Variants in BICD1 observed in about 807,000 individuals in gnomAD.
BICD1 encodes protein bicaudal D homolog 1.
BICD1 carries 35 observed loss-of-function variants against 92.5 expected under a neutral mutation model. The ratio of observed to expected loss-of-function variants is 0.38; its 90% CI spans 0.29 to 0.50. The LOEUF is 0.50. BICD1 is among the 20% of genes least tolerant of loss of function. The probability of loss-of-function intolerance (pLI) is 0.93; values close to 1 mark genes in which losing one functional copy is unlikely to be tolerated. For synonymous variants in BICD1, 429 were observed against 465.1 expected (o/e 0.92, Z 1.00); for missense variants, 950 against 1,189.8 (o/e 0.80, Z 2.97).
chr12:32,304,475 A>G (rs1017180274), intron 3 of BICD1, among the ~76,000 whole-genome samples: 2 of 152,208 alleles, frequency 1.3e-5, no homozygotes, highest in Non-Finnish European at 2.9e-5. Flanking sequence ...AAACACCATG[A>G]AGGAACACTG....
intron 2 of BICD1, among the ~76,000 whole-genome samples, chr12:32,224,009 A>G (rs1485098326): frequency 6.6e-6 from 1 of 152,248 alleles, no homozygotes; most frequent in Admixed American, 6.5e-5. Flanking sequence ...TATTGCAAGA[A>G]TTACCAAAAT....
intron 1 of BICD1, among the ~76,000 whole-genome samples, chr12:32,153,803 A>G (rs1436107394): frequency 6.6e-6 from 1 of 150,570 alleles, no homozygotes; most frequent in East Asian, 1.9e-4. Context: ...GTGTGTATAT[A>G]TGTAATACAT....
chr12:32,215,871 G>A (rs1414089460), intron 1 of BICD1, among the ~76,000 whole-genome samples: 1 of 144,934 alleles, frequency 6.9e-6, no homozygotes, highest in Non-Finnish European at 1.5e-5. Context: ...GGAGAATGGC[G>A]TGAACCCGGG....
intron 9 of BICD1, among the ~76,000 whole-genome samples, chr12:32,375,903 C>T (rs999699695): frequency 2.0e-5 from 3 of 152,026 alleles, no homozygotes; most frequent in Admixed American, 6.6e-5. Context: ...CTTTAAAAAG[C>T]TATGCTTAAA....
intron 9 of BICD1, among the ~76,000 whole-genome samples, chr12:32,372,879 A>T (rs1939791385): frequency 6.6e-6 from 1 of 152,194 alleles, no homozygotes; most frequent in South Asian, 2.1e-4. Flanking sequence ...CCTGTCTCCA[A>T]AAACAGAAAA....
intron 1 of BICD1, among the ~76,000 whole-genome samples, chr12:32,139,231 G>A (rs888897096): frequency 2.0e-5 from 3 of 152,076 alleles, no homozygotes; most frequent in African/African-American, 7.2e-5. Flanking sequence ...CCTTTGCTGT[G>A]AAACAGGTTT....
chr12:32,202,598 G>A (rs1944937995), intron 1 of BICD1, among the ~76,000 whole-genome samples: 1 of 152,010 alleles, frequency 6.6e-6, no homozygotes, highest in South Asian at 2.1e-4. Context: ...ATATTTCAAA[G>A]TTTATTGTTT....
intron 9 of BICD1, among the ~76,000 whole-genome samples, chr12:32,371,985 A>T (rs1174444610): frequency 1.3e-5 from 2 of 152,222 alleles, no homozygotes; most frequent in East Asian, 3.9e-4. Flanking sequence ...AGTGACTCCT[A>T]CCTACCACCA....
intron 8 of BICD1, chr12:32,339,192 A>C: frequency 7.8e-7 from 1 of 1,283,760 alleles, no homozygotes. Context: ...TTAACAGCCA[A>C]AGATGGCAAA....
At chr12:32,334,415 C>T in intron 5 of BICD1, 101 bp from the exon 6 acceptor site, 12 of 1,233,558 alleles carry the variant, frequency 9.7e-6, no homozygotes, top group Non-Finnish European at 1.3e-5. Flanking sequence ...ATCAATTTCA[C>T]TTTCCTTTTA....
At chr12:32,108,440 T>G in intron 1 of BICD1, 1 of 432,802 alleles carries the variant, frequency 2.3e-6, no homozygotes, top group Non-Finnish European at 4.2e-6. Context: ...CTTAAGAACA[T>G]ACATATTGTT....
intron 1 of BICD1, among the ~76,000 whole-genome samples, chr12:32,153,528 G>A (rs1943349421): frequency 1.3e-5 from 2 of 152,122 alleles, no homozygotes; most frequent in African/African-American, 4.8e-5. Context: ...AGGCCAAGGC[G>A]GGTGGATCAC....
intron 2 of BICD1, among the ~76,000 whole-genome samples, chr12:32,249,062 G>A (rs902937142): frequency 7.9e-5 from 12 of 152,192 alleles, no homozygotes; most frequent in South Asian, 4.1e-4. Context: ...TTTGTGGGGC[G>A]GGTTGGAGGT....
intron 1 of BICD1, among the ~76,000 whole-genome samples, chr12:32,116,464 C>CTGTCTGTCTG: frequency 1.5e-5 from 1 of 64,992 alleles, no homozygotes; most frequent in South Asian, 4.2e-4. Context: ...GTCTGTCTGT[C>CTGTCTGTCTG]TCTCTCTCTC....
At chr12:32,295,157 C>T (rs78118642) in intron 3 of BICD1, among the ~76,000 whole-genome samples, 19,340 of 150,424 alleles carry the variant, frequency 0.13, 1,358 homozygotes, top group East Asian at 0.22. Context: ...AGATTACATT[C>T]GTACATTTAA....
intron 1 of BICD1, among the ~76,000 whole-genome samples, chr12:32,137,374 C>A (rs960370520): frequency 2.6e-5 from 4 of 152,138 alleles, no homozygotes; most frequent in African/African-American, 9.7e-5. Context: ...CAGGCATGAG[C>A]CACCGCACCT....
rs77993304 is a variant in BICD1, at chr12:32,136,714, G to C, written c.213+29170G>C. Among the ~76,000 whole-genome samples, 330 of 152,298 alleles carry C rather than the reference G, an allele frequency of 2.2e-3. 1 individual carries two copies. Among genetic ancestry groups the C allele is most frequent in the African/African-American group, 7.7e-3 (318 of 41,560 alleles). ...TGCAGGAGTCCTGTCCTGAGTGGCT[G>C]CTCAGGGTATTGACATGCCATTTTG... On this transcript the variant is annotated intron_variant, in intron 1 of 9. Transcript: ENST00000652176.
intron 2 of BICD1, among the ~76,000 whole-genome samples, chr12:32,251,895 G>T (rs1001435365): frequency 6.8e-6 from 1 of 147,340 alleles, no homozygotes; most frequent in Admixed American, 7.1e-5. Flanking sequence ...TTTCCCTCCA[G>T]TGATGAGTAA....
At chr12:32,182,287 T>C (rs1327680482) in intron 1 of BICD1, among the ~76,000 whole-genome samples, 2 of 134,006 alleles carry the variant, frequency 1.5e-5, no homozygotes, top group African/African-American at 2.7e-5. Flanking sequence ...TCTTTTTTTT[T>C]TTTTTTTTTT....
Sources: allele counts gnomAD v4.1 joint callset (sites outside exome capture counted in the v4.1 genomes callset), GRCh38; gene constraint gnomAD v4.1.1; transcripts MANE v1.5; gene names NCBI Gene and HGNC (gene_info 2026-07-23, HGNC 2026-07-21).